The following NIPSNAP3B variants were observed in gnomAD, a reference collection of about 807,000 sequenced individuals.
NIPSNAP3B encodes protein NipSnap homolog 3B.
NIPSNAP3B carries 30 observed loss-of-function variants against 31.5 expected under a neutral mutation model. That is an observed-to-expected ratio of 0.95 (90% confidence interval 0.71 to 1.29). NIPSNAP3B has a LOEUF of 1.29. Among genes scored for constraint, NIPSNAP3B ranks in the 50% most tolerant of loss-of-function variants. NIPSNAP3B has a pLI of 0.00. For missense variants in NIPSNAP3B, 269 were observed against 300.7 expected (o/e 0.89, Z 0.78); for synonymous variants, 106 against 107.9 (o/e 0.98, Z 0.11).
rs1173993577 is a variant in NIPSNAP3B, at chr9:104,773,635, C to G, written c.*562C>G. On this transcript the variant is annotated 3_prime_UTR_variant, in exon 6 of 6. Coordinates refer to ENST00000374762, the MANE Select transcript of NIPSNAP3B (RefSeq NM_018376.4). ...TTACATTCATTGATTATTAGTCATT[C>G]TAACTTGGAAAATAATGCAATTGGG... 1 of 152,098 alleles carries G rather than the reference C, an allele frequency of 6.6e-6. No individual in the cohort carries two copies. The highest frequency in any genetic ancestry group is 2.4e-5 in the African/African-American group (1 of 41,430). The allele number at this position is 152,098 out of a possible 1,614,324, so 9.4% of individuals were successfully genotyped here. A position where few individuals can be genotyped will look rare whatever the true frequency, so the allele number is the denominator to read the frequency against.
At chr9:104,787,680 T>C in the NIPSNAP3B span, 1 of 196,342 alleles carries the variant, frequency 5.1e-6, no homozygotes, top group Non-Finnish European at 9.2e-6. Flanking sequence ...ATATCCAGCC[T>C]CAATCACGCT....
chr9:104,786,825 G>A, the NIPSNAP3B span: 2 of 1,498,394 alleles, frequency 1.3e-6, no homozygotes, highest in Admixed American at 1.7e-5. Flanking sequence ...ATTCTACTTG[G>A]AAAGTTAAAA....
the NIPSNAP3B span, chr9:104,788,313 C>T: frequency 1.4e-6 from 2 of 1,435,926 alleles, no homozygotes; most frequent in South Asian, 1.1e-5. Context: ...GCATTTTGTG[C>T]TGCTGCATTC....
At chr9:104,786,832 A>G in the NIPSNAP3B span, 2 of 1,536,654 alleles carry the variant, frequency 1.3e-6, no homozygotes, top group African/African-American at 2.7e-5. Context: ...TTGGAAAGTT[A>G]AAACATCCCA....
chr9:104,784,896 A>G, the NIPSNAP3B span, among the ~76,000 whole-genome samples: 1 of 152,142 alleles, frequency 6.6e-6, no homozygotes, highest in Non-Finnish European at 1.5e-5. Flanking sequence ...CCTGCTCCTC[A>G]GCCTCCCAAA....
intron 4 of NIPSNAP3B, among the ~76,000 whole-genome samples, chr9:104,772,485 C>A (rs1828245487): frequency 6.6e-6 from 1 of 151,784 alleles, no homozygotes; most frequent in South Asian, 2.1e-4. Context: ...TTTATTTTTT[C>A]TTTGTATCAC....
In NIPSNAP3B at chr9:104,773,219, A is replaced by C; in HGVS notation, c.*146A>C. ...TTTGCTGTGCTTCTTGCATTTTTGA[A>C]AGTTACATATTCTCCACTGCTTTAA... On this transcript the variant is annotated 3_prime_UTR_variant, in exon 6 of 6. Coordinates refer to ENST00000374762, the MANE Select transcript of NIPSNAP3B (RefSeq NM_018376.4). 1 of 732,522 alleles carries C rather than the reference A, an allele frequency of 1.4e-6. No homozygotes were observed. The highest frequency in any genetic ancestry group is 2.7e-5 in the East Asian group (1 of 37,104). 45.4% of individuals were successfully genotyped at this position (732,522 alleles called of 1,614,324 possible).
chr9:104,785,342 G>A, the NIPSNAP3B span: 30 of 1,609,220 alleles, frequency 1.9e-5, no homozygotes, highest in East Asian at 8.9e-5. Flanking sequence ...CGGGAGTGTC[G>A]GGGCAGGAAT....
rs1357361720 is a variant in NIPSNAP3B, at chr9:104,764,312, G to A, written c.60+12G>A. ...CGCTCGCGCCTCAGGTACTGGCCGC[G>A]GGGGCGCGCCCGAGCCCTGGCCGGA... On this transcript the variant is annotated intron_variant, in intron 1 of 5. Coordinates refer to ENST00000374762, the MANE Select transcript of NIPSNAP3B (RefSeq NM_018376.4). The A allele has an allele frequency of 1.3e-6, 2 of 1,572,676 alleles. No homozygotes were observed. The highest frequency in any genetic ancestry group is 2.3e-5 in the East Asian group (1 of 42,944).
At position 104,768,979 on chromosome 9, in the gene NIPSNAP3B, T is replaced by C. The variant is rs368298700; in HGVS notation, c.388T>C (p.Tyr130His). The C allele has an allele frequency of 6.2e-7, 1 of 1,613,772 alleles. No individual in the cohort carries two copies. Among genetic ancestry groups the C allele is most frequent in the African/African-American group, 1.3e-5 (1 of 74,916 alleles). ...RIDKQETEITYLIPWSKLEKP... is the reference protein window; with the variant it reads ...RIDKQETEITHLIPWSKLEKP... ...TGATAAACAAGAGACGGAAATTACTTACCTGATACCATGGTCCAAATTAGA... is the reference window on the plus strand; with the variant it reads ...TGATAAACAAGAGACGGAAATTACTCACCTGATACCATGGTCCAAATTAGA... The change falls in exon 3 of 6, where the codon TAC becomes CAC. Residue 130 changes from tyrosine (Y) to histidine (H), a missense_variant. Coordinates refer to ENST00000374762, the MANE Select transcript of NIPSNAP3B (RefSeq NM_018376.4).
At chr9:104,783,858 C>T in the NIPSNAP3B span, 5 of 169,592 alleles carry the variant, frequency 2.9e-5, no homozygotes, top group African/African-American at 1.2e-4. Context: ...GGATGTGTCA[C>T]CGGGAAACCA....
chr9:104,772,198 T>G (rs902081682), intron 4 of NIPSNAP3B, among the ~76,000 whole-genome samples: 3 of 145,950 alleles, frequency 2.1e-5, no homozygotes, highest in Non-Finnish European at 4.5e-5. Flanking sequence ...CTGTTGACAG[T>G]TTTTTTTTTG....
At position 104,774,930 on chromosome 9, in the gene NIPSNAP3B, A is replaced by C. The variant is rs533113728; in HGVS notation, c.*1857A>C. On this transcript the variant is annotated 3_prime_UTR_variant, in exon 6 of 6. Transcript: ENST00000374762. ...TAGCCAATGACCTTTCCTTTTACTTAACAGAGAAAATAACAATCAGAAGAG... is the reference window on the plus strand; with the variant it reads ...TAGCCAATGACCTTTCCTTTTACTTCACAGAGAAAATAACAATCAGAAGAG... Among the ~76,000 whole-genome samples, 26 of 152,108 alleles carry C rather than the reference A, an allele frequency of 1.7e-4. 1 individual carries two copies. Among genetic ancestry groups the C allele is most frequent in the South Asian group, 1.7e-3 (8 of 4,812 alleles).
chr9:104,773,086 A>G lies in NIPSNAP3B; in HGVS notation c.*13A>G. 6.2e-7 allele frequency: 1 copy of G among 1,609,810 alleles called. No homozygotes were observed. Among genetic ancestry groups the G allele is most frequent in the Non-Finnish European group, 8.5e-7 (1 of 1,176,424 alleles). ...ACCATTGAAATAGTTTTCTACTGAA[A>G]TACAAAACATTTCATTAACTGCTCT... On this transcript the variant is annotated 3_prime_UTR_variant, in exon 6 of 6. Coordinates refer to ENST00000374762, the MANE Select transcript of NIPSNAP3B (RefSeq NM_018376.4).
chr9:104,773,203 C>T lies in NIPSNAP3B; in HGVS notation c.*130C>T. 1.2e-6 allele frequency: 1 copy of T among 868,702 alleles called. No individual in the cohort carries two copies. The highest frequency in any genetic ancestry group is 1.8e-6 in the Non-Finnish European group (1 of 564,406). The allele number at this position is 868,702 out of a possible 1,614,324, so 53.8% of individuals were successfully genotyped here. ...TAAGTTAATTAGTTAATTTGCTGTG[C>T]TTCTTGCATTTTTGAAAGTTACATA... On this transcript the variant is annotated 3_prime_UTR_variant, in exon 6 of 6. Coordinates refer to ENST00000374762, the MANE Select transcript of NIPSNAP3B (RefSeq NM_018376.4).
rs2118806796 is a variant in NIPSNAP3B, at chr9:104,774,980, G to A, written c.*1907G>A. ...GTCTTCATAAGTTCCCACCCCGTCT[G>A]CCCGCTTTCTACAGCCAACCCCACA... is the stretch of plus-strand genomic sequence containing the variant. On this transcript the variant is annotated 3_prime_UTR_variant, in exon 6 of 6. Coordinates refer to ENST00000374762, the MANE Select transcript of NIPSNAP3B (RefSeq NM_018376.4). Among the ~76,000 whole-genome samples, 1 of 151,910 alleles carries A rather than the reference G, an allele frequency of 6.6e-6. No individual in the cohort carries two copies. The highest frequency in any genetic ancestry group is 6.6e-5 in the Admixed American group (1 of 15,252).
Position 104,777,304 on chromosome 9 carries a change from A to G in NIPSNAP3B, c.*4231A>G, listed in dbSNP as rs1242898612. On this transcript the variant is annotated 3_prime_UTR_variant, in exon 6 of 6. Coordinates refer to ENST00000374762, the MANE Select transcript of NIPSNAP3B (RefSeq NM_018376.4). ...CTAGGGTGGCAACTGAAGTTGTAGT[A>G]CTTTCTGTCTTCAAAGGAGGGTGAA... is the stretch of plus-strand genomic sequence containing the variant. 6.6e-6 allele frequency: 1 copy of G among 152,236 alleles called. No homozygotes were observed. The highest frequency in any genetic ancestry group is 1.5e-5 in the Non-Finnish European group (1 of 68,052). 9.4% of individuals were successfully genotyped at this position (152,236 alleles called of 1,614,324 possible).
At position 104,764,272 on chromosome 9, in the gene NIPSNAP3B, C is replaced by T. The variant is rs745577807; in HGVS notation, c.32C>T (p.Ala11Val). The T allele has an allele frequency of 2.0e-5, 32 of 1,597,840 alleles. No homozygotes were observed. The highest frequency in any genetic ancestry group is 4.5e-4 in the Middle Eastern group (2 of 4,492). MLVLRSGLTK[A>V]LASRTLAPQV... ...GTTCTCAGAAGCGGCCTGACCAAGG[C>T]GCTTGCCTCACGGACGCTCGCGCCT... is the stretch of plus-strand genomic sequence containing the variant. The change falls in exon 1 of 6, where the codon GCG (alanine) becomes GTG (valine). Residue 11 changes from alanine (A) to valine (V), a missense_variant. By Grantham distance (64) the Ala-to-Val change is moderately conservative. Coordinates refer to ENST00000374762, the MANE Select transcript of NIPSNAP3B (RefSeq NM_018376.4).
At chr9:104,789,388 G>A in the NIPSNAP3B span, among the ~76,000 whole-genome samples, 2 of 152,184 alleles carry the variant, frequency 1.3e-5, no homozygotes, top group East Asian at 3.9e-4. Flanking sequence ...CGCTAGGCCT[G>A]CTATTCCCAG....
Sources: gnomAD v4.1 joint callset for allele counts (sites outside exome capture counted in the v4.1 genomes callset) on GRCh38, gnomAD v4.1.1 for gene constraint, MANE v1.5 for transcripts, NCBI Gene and HGNC (gene_info 2026-07-23, HGNC 2026-07-21) for gene names.